Variants in ANOS1 observed in about 807,000 individuals in gnomAD.
ANOS1 encodes anosmin 1.
ANOS1 carries 6 observed loss-of-function variants against 59.0 expected under a neutral mutation model. That is an observed-to-expected ratio of 0.10 (90% CI 0.06 to 0.20). The LOEUF is 0.20. Among genes scored for constraint, ANOS1 ranks in the 10% least tolerant of loss-of-function variants. The pLI is 1.00. For missense variants in ANOS1, 433 were observed against 542.3 expected (o/e 0.80, Z 2.00); for synonymous variants, 217 against 223.4 (o/e 0.97, Z 0.25).
intron 8 of ANOS1, among the ~76,000 whole-genome samples, chrX:8,560,657 G>A (rs905865628): frequency 3.6e-5 from 4 of 112,277 alleles, no homozygotes; most frequent in Admixed American, 1.9e-4. Flanking sequence ...AAAAACCAGC[G>A]CTCAAAAATA....
At chrX:8,697,992 C>A in intron 2 of ANOS1, among the ~76,000 whole-genome samples, 1 of 112,254 alleles carries the variant, frequency 8.9e-6, no homozygotes, top group Middle Eastern at 4.6e-3. Flanking sequence ...TAATTATCTG[C>A]ACAGGTATCC....
At chrX:8,648,458 C>CAAAAAAAA (rs765958124) in intron 2 of ANOS1, among the ~76,000 whole-genome samples, 2 of 48,664 alleles carry the variant, frequency 4.1e-5, no homozygotes, top group African/African-American at 1.2e-4. Context: ...AAAATTCCGT[C>CAAAAAAAA]AAAAAAAAAA....
At chrX:8,653,836 G>A (rs1175794205) in intron 2 of ANOS1, among the ~76,000 whole-genome samples, 1 of 111,975 alleles carries the variant, frequency 8.9e-6, no homozygotes, top group Non-Finnish European at 1.9e-5. Context: ...CACACAGTAG[G>A]TATTCAATAA....
At chrX:8,555,255 G>A (rs752668484) in intron 8 of ANOS1, among the ~76,000 whole-genome samples, 4 of 111,414 alleles carry the variant, frequency 3.6e-5, no homozygotes, top group South Asian at 3.8e-4. Context: ...TTTATAGCAC[G>A]AAATGCCCAC....
chrX:8,656,182 T>C lies in ANOS1; in HGVS notation c.256-32512A>G, dbSNP rs1269802703. 2.7e-5 allele frequency among the ~76,000 whole-genome samples: 3 copies of C among 112,737 alleles called. No individual in the cohort carries two copies. In the East Asian group the frequency reaches 8.4e-4, roughly 31 times the overall value. On this transcript the variant is annotated intron_variant, in intron 2 of 13. Coordinates refer to ENST00000262648, the MANE Select transcript of ANOS1 (RefSeq NM_000216.4). ...ATCTCCACTTCATAAGACATCTTTC[T>C]GCATTCCCGCAAATGTGTCAAATTG...
At chrX:8,701,859 T>C (rs1249252055) in intron 1 of ANOS1, among the ~76,000 whole-genome samples, 1 of 111,629 alleles carries the variant, frequency 9.0e-6, no homozygotes, top group Non-Finnish European at 1.9e-5. Context: ...CTGTATAGGA[T>C]TGGCAATCTT....
intron 2 of ANOS1, among the ~76,000 whole-genome samples, chrX:8,673,260 T>A (rs1932284879): frequency 9.2e-6 from 1 of 108,296 alleles, no homozygotes; most frequent in South Asian, 4.1e-4. Context: ...ATGTAGCTTT[T>A]AAATTGGCAG....
At chrX:8,694,607 G>C (rs1413544941) in intron 2 of ANOS1, among the ~76,000 whole-genome samples, 1 of 112,433 alleles carries the variant, frequency 8.9e-6, no homozygotes, top group Non-Finnish European at 1.9e-5. Flanking sequence ...AGGCAGAGTT[G>C]CAGTGAGCCA....
intron 1 of ANOS1, among the ~76,000 whole-genome samples, chrX:8,727,620 G>C (rs1292917792): frequency 5.3e-5 from 6 of 112,381 alleles, no homozygotes; most frequent in Admixed American, 9.4e-5. Flanking sequence ...TGCCAGGCAA[G>C]AGTACAATCC....
chrX:8,699,526 T>C (rs1028997058), intron 2 of ANOS1, among the ~76,000 whole-genome samples, 172 bp downstream of exon 2: 4 of 112,295 alleles, frequency 3.6e-5, no homozygotes, highest in Non-Finnish European at 7.5e-5. Flanking sequence ...ATACATTGCA[T>C]GCATATCAAT....
intron 11 of ANOS1, 89 bp downstream of exon 11, chrX:8,536,682 C>T (rs1280434464): frequency 1.9e-5 from 14 of 752,087 alleles, no homozygotes; most frequent in East Asian, 3.5e-5. Context: ...TTGGTTTTCA[C>T]GGTCTTGTGA....
chrX:8,659,923 C>T (rs1244234390), intron 2 of ANOS1, among the ~76,000 whole-genome samples: 2 of 111,375 alleles, frequency 1.8e-5, no homozygotes, highest in Non-Finnish European at 3.8e-5. Flanking sequence ...GCCACTGCGC[C>T]CAGCTTGTTT....
intron 9 of ANOS1, among the ~76,000 whole-genome samples, chrX:8,550,172 T>C (rs1321916118): frequency 2.7e-5 from 3 of 111,990 alleles, no homozygotes; most frequent in Non-Finnish European, 5.6e-5. Flanking sequence ...AGTCAATATA[T>C]GAATATAAAA....
intron 2 of ANOS1, among the ~76,000 whole-genome samples, chrX:8,657,034 A>G (rs1931943352): frequency 8.9e-6 from 1 of 112,017 alleles, no homozygotes; most frequent in South Asian, 3.7e-4. Flanking sequence ...CTCCAGGCCA[A>G]TTGGTATGAG....
chrX:8,574,693 C>G (rs971252656), intron 6 of ANOS1, among the ~76,000 whole-genome samples: 7 of 111,792 alleles, frequency 6.3e-5, no homozygotes, highest in Admixed American at 1.9e-4. Flanking sequence ...GAACACAGAC[C>G]GAAGGGCTGC....
intron 1 of ANOS1, among the ~76,000 whole-genome samples, chrX:8,710,586 C>A (rs985449174): frequency 9.0e-6 from 1 of 111,711 alleles, no homozygotes; most frequent in Non-Finnish European, 1.9e-5. Context: ...GAAAACAAGA[C>A]AAATGTAACT....
At position 8,706,940 on chromosome X, in the gene ANOS1, T is replaced by A. The variant is rs148745409; in HGVS notation, c.208-7195A>T. Among the ~76,000 whole-genome samples the A allele has an allele frequency of 5.6e-4, 62 of 111,490 alleles. No individual in the cohort carries two copies. The East Asian group carries it at 0.017, about 31-fold the overall frequency. On this transcript the variant is annotated intron_variant, in intron 1 of 13. Coordinates refer to ENST00000262648, the MANE Select transcript of ANOS1 (RefSeq NM_000216.4). ...ACACCTGCCTCCAGACACCCAGCCT[T>A]CCCATACTGTCCTTTCTTCAAAGAA...
At chrX:8,570,750 A>C in intron 6 of ANOS1, 46 bp from the exon 7 acceptor site, 1 of 1,061,174 alleles carries the variant, frequency 9.4e-7, no homozygotes, top group Non-Finnish European at 1.3e-6. Context: ...CACAAAACTA[A>C]CATCTTTGGA....
chrX:8,626,703 C>CA (rs1045978882), intron 2 of ANOS1, among the ~76,000 whole-genome samples: 4 of 108,003 alleles, frequency 3.7e-5, no homozygotes, highest in Non-Finnish European at 5.8e-5. Flanking sequence ...ACTAAAAATA[C>CA]AAAAAAAATT....
Sources: gnomAD v4.1 joint callset for allele counts (sites outside exome capture counted in the v4.1 genomes callset) on GRCh38, gnomAD v4.1.1 for gene constraint, MANE v1.5 for transcripts, NCBI Gene and HGNC (gene_info 2026-07-23, HGNC 2026-07-21) for gene names.